Variants in PGR observed in about 807,000 individuals in gnomAD.
The protein encoded by PGR is progesterone receptor, also known as nuclear receptor subfamily 3 group C member 3.
A neutral mutation model predicts 76.1 loss-of-function variants in PGR; 25 were observed. The ratio of observed to expected loss-of-function variants is 0.33; its 90% CI spans 0.24 to 0.46. PGR has a LOEUF of 0.46. Ranked by LOEUF, PGR falls within the 20% of genes least tolerant of loss-of-function variation. The probability of loss-of-function intolerance (pLI) is 1.00; values close to 1 mark genes in which losing one functional copy is unlikely to be tolerated. For missense variants in PGR, 1,172 were observed against 1,225.3 expected, an observed-to-expected ratio of 0.96 and a Z score of 0.65; for synonymous variants, 579 against 535.0, an observed-to-expected ratio of 1.08 and a Z score of -1.14.
At chr11:101,097,803 G>C (rs1861881262) in intron 2 of PGR, among the ~76,000 whole-genome samples, 1 of 139,204 alleles carries the variant, frequency 7.2e-6, no homozygotes, top group Non-Finnish European at 1.5e-5. Context: ...TTTGAGCGGA[G>C]TCTCGCTCCG....
At chr11:101,116,739 CAAAAAAAAAAAAA>C (rs11300466) in intron 2 of PGR, among the ~76,000 whole-genome samples, 1 of 68,966 alleles carries the variant, frequency 1.4e-5, no homozygotes, top group African/African-American at 5.9e-5. Context: ...GATTCCACCT[CAAAAAAAAAAAAA>C]AAAAAAAAAA....
chr11:101,113,095 T>C (rs916114221), intron 2 of PGR, among the ~76,000 whole-genome samples: 3 of 149,906 alleles, frequency 2.0e-5, no homozygotes, highest in African/African-American at 7.3e-5. Flanking sequence ...TGATCTCTTA[T>C]AATACCTTCA....
rs772928866 is a variant in PGR at position 101,128,044 on chromosome 11, G to C, written c.1027C>G (p.Arg343Gly). 3.1e-6 allele frequency: 5 copies of C among 1,605,008 alleles called. No homozygotes were observed. The African/African-American group carries it at 4.0e-5, about 13-fold the overall frequency. ...GTGGACGAGGCACAGGGTGAACTCCGCGGCGGGGCAAAGGCGCTGGCAGCC... is the reference window on the plus strand; with the variant it reads ...GTGGACGAGGCACAGGGTGAACTCCCCGGCGGGGCAAAGGCGCTGGCAGCC... Reference protein sequence around the residue: ...AGAASAFAPPRSSPCASSTPV... With the variant: ...AGAASAFAPPGSSPCASSTPV... The change falls in exon 1 of 8, where the codon CGG (arginine) becomes GGG (glycine). Residue 343 changes from arginine (R) to glycine (G), a missense_variant. By Grantham distance (125) the Arg-to-Gly change is moderately radical. This residue lies in a region of PGR where 893 missense variants were observed against 785.9 expected (regional missense o/e 1.14). Transcript: ENST00000325455.
At chr11:101,061,493 AATTAT>A (rs1249253225) in intron 4 of PGR, among the ~76,000 whole-genome samples, 1 of 152,166 alleles carries the variant, frequency 6.6e-6, no homozygotes, top group Non-Finnish European at 1.5e-5. Context: ...AATAACTGAG[AATTAT>A]ATTAAGGAGA....
chr11:101,055,341 A>T (rs1201904741), intron 4 of PGR, among the ~76,000 whole-genome samples: 1 of 146,578 alleles, frequency 6.8e-6, no homozygotes, highest in East Asian at 2.1e-4. Flanking sequence ...GTTTGAACCC[A>T]GGAGGCTGAG....
chr11:101,116,504 C>T (rs1862513334), intron 2 of PGR, among the ~76,000 whole-genome samples: 1 of 152,026 alleles, frequency 6.6e-6, no homozygotes, highest in African/African-American at 2.4e-5. Context: ...CTTTGGGAGG[C>T]CAAGGCGGGA....
At chr11:101,120,023 A>C (rs1274306185) in intron 2 of PGR, among the ~76,000 whole-genome samples, 1 of 152,244 alleles carries the variant, frequency 6.6e-6, no homozygotes, top group Non-Finnish European at 1.5e-5. Context: ...CCTGGGTTAT[A>C]GTGAAGGCGA....
At chr11:101,097,266 C>T (rs1276945369) in intron 2 of PGR, among the ~76,000 whole-genome samples, 1 of 152,200 alleles carries the variant, frequency 6.6e-6, no homozygotes, top group Non-Finnish European at 1.5e-5. Flanking sequence ...TCTCTCATGC[C>T]TCTATGACTT....
intron 3 of PGR, among the ~76,000 whole-genome samples, chr11:101,065,175 T>G (rs113962265): frequency 6.6e-6 from 1 of 152,246 alleles, no homozygotes; most frequent in African/African-American, 2.4e-5. Context: ...CCTGTAAGGA[T>G]AGGGGCTAGG....
intron 3 of PGR, among the ~76,000 whole-genome samples, chr11:101,066,109 A>C (rs1004009222): frequency 2.6e-5 from 4 of 152,152 alleles, no homozygotes; most frequent in Non-Finnish European, 4.4e-5. Context: ...CCTCTCACAC[A>C]TAATGTATTC....
At chr11:101,067,019 G>A (rs1860744351) in intron 3 of PGR, among the ~76,000 whole-genome samples, 1 of 152,120 alleles carries the variant, frequency 6.6e-6, no homozygotes, top group African/African-American at 2.4e-5. Context: ...TTAGAATGAA[G>A]TTAAAATTCA....
rs138491780 is a variant in PGR at position 101,062,394 on chromosome 11, C to A, written c.2212+53G>T. 100 of 1,332,766 alleles carry A rather than the reference C, an allele frequency of 7.5e-5. No homozygotes were observed. The African/African-American group carries it at 1.2e-3, about 16-fold the overall frequency. The allele number at this position is 1,332,766 out of a possible 1,614,324, so 82.6% of individuals were successfully genotyped here. A position where few individuals can be genotyped will look rare whatever the true frequency, so the allele number is the denominator to read the frequency against. On this transcript the variant is annotated intron_variant, in intron 4 of 7. Coordinates refer to ENST00000325455, the MANE Select transcript of PGR (RefSeq NM_000926.4). ...TGTTTTATTTAACAATGTACTAATA[C>A]AACAAACATAGTATATTTTTTATTA... is the stretch of plus-strand genomic sequence containing the variant.
intron 2 of PGR, 34 bp downstream of exon 2, chr11:101,125,973 A>G (rs1238267577): frequency 1.3e-6 from 2 of 1,592,822 alleles, no homozygotes; most frequent in Non-Finnish European, 1.7e-6. Context: ...TTACAATTAA[A>G]CCAATAATAA....
intron 1 of PGR, chr11:101,127,167 T>TA (rs1462290789): frequency 2.4e-5 from 7 of 291,096 alleles, no homozygotes; most frequent in Non-Finnish European, 3.2e-5. Context: ...TTCGGAAAGT[T>TA]AAAAAACAAA....
At chr11:101,079,959 C>T (rs1861248430) in intron 3 of PGR, among the ~76,000 whole-genome samples, 1 of 152,110 alleles carries the variant, frequency 6.6e-6, no homozygotes, top group Non-Finnish European at 1.5e-5. Flanking sequence ...GGATGCCTCC[C>T]ATGCAGAGAA....
In PGR at chr11:101,042,001, C is replaced by A. The variant is rs1456079929; in HGVS notation, c.2590G>T (p.Val864Leu). 1.9e-6 allele frequency: 3 copies of A among 1,613,642 alleles called. No individual in the cohort carries two copies. Among genetic ancestry groups the A allele is most frequent in the Non-Finnish European group, 1.7e-6 (2 of 1,179,708 alleles). Residue 864 changes from valine to leucine, a missense_variant, in exon 7 of 8, where the codon GTG (valine) becomes TTG (leucine). By Grantham distance (32) the Val-to-Leu change is conservative. Coordinates refer to ENST00000325455, the MANE Select transcript of PGR (RefSeq NM_000926.4). ...TGATAGAAACGCTGTGAGCTCGACA[C>A]AACTCCTTTTTGCCTCAAACCAATT... ...KAIGLRQKGV[V>L]SSSQRFYQLT...
intron 3 of PGR, chr11:101,062,992 T>G (rs1860570659): frequency 2.5e-6 from 1 of 394,768 alleles, no homozygotes; most frequent in African/African-American, 2.0e-5. Flanking sequence ...ACATCAACAA[T>G]CACTGGGTGG....
chr11:101,041,791 C>T, intron 7 of PGR, 154 bp downstream of exon 7: 2 of 632,212 alleles, frequency 3.2e-6, no homozygotes, highest in Admixed American at 3.0e-5. Flanking sequence ...AAAAAAAACA[C>T]AATAAAAAGT....
At chr11:101,054,418 T>A (rs1427755577) in intron 4 of PGR, among the ~76,000 whole-genome samples, 7 of 152,172 alleles carry the variant, frequency 4.6e-5, no homozygotes, top group Non-Finnish European at 8.8e-5. Flanking sequence ...CATAATAACT[T>A]TTTAAGAAAA....
Sources: allele counts gnomAD v4.1 joint callset (sites outside exome capture counted in the v4.1 genomes callset), GRCh38; gene constraint gnomAD v4.1.1; regional missense constraint gnomAD v4.1.1; transcripts MANE v1.5; gene names NCBI Gene and HGNC (gene_info 2026-07-23, HGNC 2026-07-21).